Variants in SLC35F3 observed in about 807,000 individuals in gnomAD.
The protein encoded by SLC35F3 is solute carrier family 35 member F3, also known as putative thiamine transporter SLC35F3.
A neutral mutation model predicts 49.9 loss-of-function variants in SLC35F3; 25 were observed. The observed-to-expected ratio is 0.50, with a 90% CI of 0.37 to 0.70. The LOEUF (loss-of-function observed/expected upper bound fraction) is 0.70. Among genes scored for constraint, SLC35F3 ranks in the 30% least tolerant of loss-of-function variants. The probability of loss-of-function intolerance (pLI) is 0.00; values close to 1 mark genes in which losing one functional copy is unlikely to be tolerated. For missense variants in SLC35F3, 525 were observed against 639.8 expected (o/e 0.82, Z 1.94); for synonymous variants, 275 against 265.4 (o/e 1.04, Z -0.35).
chr1:233,995,298 A>G lies in SLC35F3; in HGVS notation c.283+89540A>G, dbSNP rs112206636. Among the ~76,000 whole-genome samples the G allele has an allele frequency of 5.8e-3, 887 of 152,296 alleles. 7 individuals carry two copies. Among genetic ancestry groups the G allele is most frequent in the African/African-American group, 0.02 (840 of 41,580 alleles). On this transcript the variant is annotated intron_variant, in intron 2 of 7. Coordinates refer to ENST00000366618, the MANE Select transcript of SLC35F3 (RefSeq NM_173508.4). ...GAGGTTCATGGAGTGGGGATTTGCC[A>G]TTAGTGCTTCTGAATGAGGGCAGAG...
At position 233,957,890 on chromosome 1, in the gene SLC35F3, TCTG is replaced by T. The variant is rs1189476125; in HGVS notation, c.283+52136_283+52138del. On this transcript the variant is annotated intron_variant, in intron 2 of 7. Transcript: ENST00000366618. The surrounding 1 kb of genome is among the most constrained non-coding windows in gnomAD (Gnocchi z 4.0). ...TGGCTGGGCTCAGCTGGGCAGCTCT[TCTG>T]CTGGTAGTTCTTGAGGCCTTTTATA... 2.0e-5 allele frequency among the ~76,000 whole-genome samples: 3 copies of T among 152,224 alleles called. No individual in the cohort carries two copies. Among genetic ancestry groups the T allele is most frequent in the Non-Finnish European group, 4.4e-5 (3 of 68,030 alleles).
At chr1:234,312,788 C>G (rs1362522841) in intron 4 of SLC35F3, among the ~76,000 whole-genome samples, 1 of 152,180 alleles carries the variant, frequency 6.6e-6, no homozygotes, top group Admixed American at 6.5e-5. Context: ...TAAAAAGCTT[C>G]CAAATGGGGT....
chr1:233,981,350 A>T (rs753727493), intron 2 of SLC35F3, among the ~76,000 whole-genome samples: 1 of 152,134 alleles, frequency 6.6e-6, no homozygotes, highest in Non-Finnish European at 1.5e-5. Flanking sequence ...ACAATCACTA[A>T]TCTCTTCCCC....
At chr1:233,976,809 C>T (rs6657886) in intron 2 of SLC35F3, among the ~76,000 whole-genome samples, 22,580 of 152,126 alleles carry the variant, frequency 0.15, 2,391 homozygotes, top group African/African-American at 0.29. Flanking sequence ...CATGGTTTCA[C>T]CATGTTCGTA....
intron 3 of SLC35F3, among the ~76,000 whole-genome samples, chr1:234,281,823 TTC>T (rs1307327150): frequency 6.6e-6 from 1 of 152,002 alleles, no homozygotes; most frequent in Non-Finnish European, 1.5e-5. Context: ...ATGTGAAGAC[TTC>T]TGTTTACTTT....
chr1:234,163,526 GAGA>G (rs1159713271), intron 2 of SLC35F3, among the ~76,000 whole-genome samples: 1 of 152,216 alleles, frequency 6.6e-6, no homozygotes, highest in Non-Finnish European at 1.5e-5. Context: ...GTGATGGAGG[GAGA>G]AGGGCAAGGA....
chr1:234,116,139 C>G (rs1454039553), intron 2 of SLC35F3, among the ~76,000 whole-genome samples: 1 of 152,176 alleles, frequency 6.6e-6, no homozygotes. Flanking sequence ...TAAATCTGCA[C>G]TTTACATAAA....
At chr1:234,108,818 A>G (rs1432441673) in intron 2 of SLC35F3, among the ~76,000 whole-genome samples, 23 of 137,918 alleles carry the variant, frequency 1.7e-4, no homozygotes, top group Non-Finnish European at 3.1e-4. Context: ...TATAAAAGAT[A>G]TATATATATC....
chr1:234,096,777 T>C (rs12565924), intron 2 of SLC35F3, among the ~76,000 whole-genome samples: 77,376 of 151,988 alleles, frequency 0.51, 20,208 homozygotes, highest in East Asian at 0.83. Flanking sequence ...ATTACAAGGC[T>C]ATTTCAATGA....
At chr1:234,182,315 C>G (rs1210472918) in intron 2 of SLC35F3, among the ~76,000 whole-genome samples, 3 of 152,278 alleles carry the variant, frequency 2.0e-5, no homozygotes, top group South Asian at 4.2e-4. Flanking sequence ...TGATTGATCT[C>G]TTGTATGACA....
At chr1:234,108,724 TAA>T (rs1360932473) in intron 2 of SLC35F3, among the ~76,000 whole-genome samples, 10 of 72,030 alleles carry the variant, frequency 1.4e-4, no homozygotes, top group African/African-American at 4.6e-4. Flanking sequence ...AAGATATATA[TAA>T]ATATATATAT....
chr1:234,254,360 G>A lies in SLC35F3; in HGVS notation c.608+22619G>A, dbSNP rs1240135372. On this transcript the variant is annotated intron_variant, in intron 3 of 7. Transcript: ENST00000366618. ...CAAGAAGGCTCCCACCAGGCATTGGGCCTCTTCTTTCCAGAGGTCACCAAT... is the reference window on the plus strand; with the variant it reads ...CAAGAAGGCTCCCACCAGGCATTGGACCTCTTCTTTCCAGAGGTCACCAAT... Among the ~76,000 whole-genome samples, 4 of 152,178 alleles carry A rather than the reference G, an allele frequency of 2.6e-5. No individual in the cohort carries two copies. The East Asian group carries it at 5.8e-4, about 22-fold the overall frequency.
At position 234,169,182 on chromosome 1, in the gene SLC35F3, C is replaced by T. The variant is rs151246701; in HGVS notation, c.284-62235C>T. Among the ~76,000 whole-genome samples, 847 of 152,314 alleles carry T rather than the reference C, an allele frequency of 5.6e-3. 4 individuals are homozygous for T. The highest frequency in any genetic ancestry group is 8.5e-3 in the Non-Finnish European group (576 of 68,016). ...TGCCCTTTTCTTCTATTCCAGCCTT[C>T]GGTGGATTGGAGGATGCCCACCCGC... On this transcript the variant is annotated intron_variant, in intron 2 of 7. Coordinates refer to ENST00000366618, the MANE Select transcript of SLC35F3 (RefSeq NM_173508.4).
At chr1:234,311,643 C>T (rs554600727) in intron 4 of SLC35F3, among the ~76,000 whole-genome samples, 1 of 152,330 alleles carries the variant, frequency 6.6e-6, no homozygotes, top group African/African-American at 2.4e-5. Flanking sequence ...CGTGTCTTAT[C>T]ATGCTGGGGA....
chr1:234,140,484 G>GT (rs1665896328), intron 2 of SLC35F3, among the ~76,000 whole-genome samples: 1 of 152,142 alleles, frequency 6.6e-6, no homozygotes, highest in African/African-American at 2.4e-5. Context: ...AAACATAGTA[G>GT]TTGCAGGATT....
intron 3 of SLC35F3, among the ~76,000 whole-genome samples, chr1:234,252,520 A>C (rs977233239): frequency 6.6e-6 from 1 of 152,240 alleles, no homozygotes; most frequent in Non-Finnish European, 1.5e-5. Flanking sequence ...CAAAGGGCTA[A>C]TCTCTGTTAA....
At chr1:233,908,701 A>AT (rs1461509009) in intron 2 of SLC35F3, among the ~76,000 whole-genome samples, 1 of 149,726 alleles carries the variant, frequency 6.7e-6, no homozygotes, top group East Asian at 2.0e-4. Flanking sequence ...TGCCTGGCTA[A>AT]TTTTTTGTAT....
intron 2 of SLC35F3, among the ~76,000 whole-genome samples, chr1:233,995,636 T>C (rs565195086): frequency 6.6e-6 from 1 of 152,194 alleles, no homozygotes; most frequent in Non-Finnish European, 1.5e-5. Flanking sequence ...AGGCTTTTCT[T>C]GGACAAGTCT....
At chr1:234,076,230 T>TTTTTTTTTTTTTTTTTTG (rs1664789576) in intron 2 of SLC35F3, among the ~76,000 whole-genome samples, 1 of 151,960 alleles carries the variant, frequency 6.6e-6, no homozygotes, top group African/African-American at 2.4e-5. Context: ...CAATACATTT[T>TTTTTTTTTTTTTTTTTTG]AAACGTATTA....
Sources: gnomAD v4.1 joint callset for allele counts (sites outside exome capture counted in the v4.1 genomes callset) on GRCh38, gnomAD v4.1.1 for gene constraint, Gnocchi (gnomAD v3.1) non-coding constraint, MANE v1.5 for transcripts, NCBI Gene and HGNC (gene_info 2026-07-23, HGNC 2026-07-21) for gene names.